PAFAH2: variants seen among roughly 807,000 people sequenced by gnomAD.
PAFAH2 encodes the protein platelet activating factor acetylhydrolase 2.
Under a neutral mutation model 49.0 loss-of-function variants are expected in PAFAH2, and 42 were observed. That is an observed-to-expected ratio of 0.86 (90% CI 0.67 to 1.11). The LOEUF is 1.11. PAFAH2 is among the 50% of genes least tolerant of loss of function. The pLI, the probability that PAFAH2 is intolerant of heterozygous loss-of-function variation, is 0.00. For synonymous variants in PAFAH2, 184 were observed against 181.3 expected (o/e 1.01, Z -0.12); for missense variants, 503 against 501.8 (o/e 1.00, Z -0.02).
chr1:25,990,730 G>A lies in PAFAH2; in HGVS notation c.87C>T (p.Leu29=), dbSNP rs2049859576. 6.2e-7 allele frequency: 1 copy of A among 1,613,256 alleles called. No homozygotes were observed. Among genetic ancestry groups the A allele is most frequent in the Non-Finnish European group, 8.5e-7 (1 of 1,179,352 alleles). Residue 29 remains leucine, a synonymous_variant, in exon 2 of 11, where the codon CTC becomes CTT. Transcript: ENST00000374282. ...AAAGGGAGCTGGGGACACTTACCTG[G>A]AGATTCTGACCCTCCATCACATCCC... ...GCGDVMEGQN[L]QGSFFRLFYP...
chr1:25,982,645 C>A (rs1051588980), intron 6 of PAFAH2, among the ~76,000 whole-genome samples, 168 bp from the exon 7 acceptor site: 38 of 152,298 alleles, frequency 2.5e-4, no homozygotes, highest in African/African-American at 8.2e-4. Flanking sequence ...TTGCAGCTCA[C>A]ATAAGCACTG....
intron 6 of PAFAH2, 148 bp from the exon 7 acceptor site, chr1:25,982,625 C>T: frequency 1.6e-6 from 1 of 618,008 alleles, no homozygotes; most frequent in South Asian, 1.9e-5. Flanking sequence ...CCTGAGAAGG[C>T]TCAGCTACCT....
At chr1:25,975,550 G>A (rs984310947) in intron 8 of PAFAH2, among the ~76,000 whole-genome samples, 1 of 152,088 alleles carries the variant, frequency 6.6e-6, no homozygotes, top group Non-Finnish European at 1.5e-5. Flanking sequence ...CTCCAGCATA[G>A]GGCAACAGAG....
rs1002181967 is a variant in PAFAH2 at position 25,976,856 on chromosome 1, G to T, written c.667-83C>A. 2.7e-6 allele frequency: 3 copies of T among 1,103,272 alleles called. No homozygotes were observed. In the African/African-American group the frequency reaches 4.6e-5, roughly 17 times the overall value. The allele number at this position is 1,103,272 out of a possible 1,614,324, so 68.3% of individuals were successfully genotyped here. ...TCATCAGGAGCAAGAGGAAGAAATA[G>T]TGAGGCAATGAGGCCAAAGGCACAA... On this transcript the variant is annotated intron_variant, in intron 7 of 10. Coordinates refer to ENST00000374282, the MANE Select transcript of PAFAH2 (RefSeq NM_000437.4).
intron 10 of PAFAH2, among the ~76,000 whole-genome samples, chr1:25,967,918 C>T (rs1247047125): frequency 1.3e-5 from 2 of 152,212 alleles, no homozygotes; most frequent in East Asian, 1.9e-4. Context: ...GTAATCCCAG[C>T]ACTTTGGGTG....
At chr1:25,978,971 T>C (rs2049637880) in intron 7 of PAFAH2, among the ~76,000 whole-genome samples, 1 of 152,240 alleles carries the variant, frequency 6.6e-6, no homozygotes, top group African/African-American at 2.4e-5. Context: ...CAAACAACGC[T>C]GGAATGAATA....
In PAFAH2 at chr1:25,961,471, C is replaced by T. The variant is rs1000700587; in HGVS notation, c.*518G>A. 6.6e-6 allele frequency: 1 copy of T among 152,476 alleles called. No homozygotes were observed. The highest frequency in any genetic ancestry group is 1.5e-5 in the Non-Finnish European group (1 of 68,286). 9.4% of individuals were successfully genotyped at this position (152,476 alleles called of 1,614,324 possible). A position where few individuals can be genotyped will look rare whatever the true frequency, so the allele number is the denominator to read the frequency against. ...AAATAAATAGAAAATGTGATCACGG[C>T]TCACACCTAGAAATTTACATAAAGT... On this transcript the variant is annotated 3_prime_UTR_variant, in exon 11 of 11. Coordinates refer to ENST00000374282, the MANE Select transcript of PAFAH2 (RefSeq NM_000437.4).
intron 10 of PAFAH2, among the ~76,000 whole-genome samples, chr1:25,969,737 G>A (rs1487580720): frequency 6.6e-6 from 1 of 152,160 alleles, no homozygotes; most frequent in East Asian, 1.9e-4. Flanking sequence ...CTAACAGTGA[G>A]TATCTTAGCT....
chr1:25,991,884 C>A (rs781552535), intron 1 of PAFAH2, among the ~76,000 whole-genome samples: 1 of 151,954 alleles, frequency 6.6e-6, no homozygotes, highest in Non-Finnish European at 1.5e-5. Flanking sequence ...CAGAGTGAGA[C>A]CCTGTCTCAA....
At chr1:25,979,037 C>T (rs775368747) in intron 7 of PAFAH2, among the ~76,000 whole-genome samples, 1 of 152,166 alleles carries the variant, frequency 6.6e-6, no homozygotes, top group Non-Finnish European at 1.5e-5. Context: ...AGGATAAATT[C>T]CCCAAACTGG....
chr1:25,964,849 A>G (rs929637011), intron 10 of PAFAH2, among the ~76,000 whole-genome samples: 1 of 152,228 alleles, frequency 6.6e-6, no homozygotes, highest in Non-Finnish European at 1.5e-5. Flanking sequence ...TGCTCAAAGC[A>G]ATTTACAGAT....
intron 8 of PAFAH2, among the ~76,000 whole-genome samples, chr1:25,976,025 G>T (rs2049583111): frequency 6.6e-6 from 1 of 152,038 alleles, no homozygotes; most frequent in South Asian, 2.1e-4. Flanking sequence ...TCCACTGCAG[G>T]GCCTTTGCAT....
intron 2 of PAFAH2, 57 bp downstream of exon 2, chr1:25,990,670 A>G: frequency 7.3e-7 from 1 of 1,376,662 alleles, no homozygotes; most frequent in Non-Finnish European, 1.0e-6. Context: ...GTGATCAGTA[A>G]GTCACGGTGC....
At chr1:25,977,754 A>G (rs1245202647) in intron 7 of PAFAH2, among the ~76,000 whole-genome samples, 1 of 151,676 alleles carries the variant, frequency 6.6e-6, no homozygotes, top group Non-Finnish European at 1.5e-5. Context: ...AATAAGGGCC[A>G]CCTCCATCCT....
chr1:25,974,689 C>T (rs1461849685), intron 8 of PAFAH2, 39 bp from the exon 9 acceptor site: 15 of 1,585,286 alleles, frequency 9.5e-6, no homozygotes, highest in Admixed American at 1.7e-5. Flanking sequence ...CCATGCGGAT[C>T]CCAGGCAAGA....
chr1:25,990,371 G>A (rs1000999280), intron 2 of PAFAH2, among the ~76,000 whole-genome samples: 3 of 152,102 alleles, frequency 2.0e-5, no homozygotes, highest in Admixed American at 1.3e-4. Flanking sequence ...AAAGGCACAC[G>A]CCCATGGCTC....
At chr1:25,984,121 A>G in intron 5 of PAFAH2, 34 bp from the exon 6 acceptor site, 1 of 1,612,470 alleles carries the variant, frequency 6.2e-7, no homozygotes, top group African/African-American at 1.3e-5. Flanking sequence ...AGAAACCAGA[A>G]AACATTCTTG....
At chr1:25,997,931 G>A (rs1267071261) in intron 1 of PAFAH2, 94 bp downstream of exon 1, 1 of 152,236 alleles carries the variant, frequency 6.6e-6, no homozygotes, top group African/African-American at 2.4e-5. Flanking sequence ...CAATTCCTAT[G>A]ACTGAGAGAC....
chr1:25,964,416 G>A (rs188189060), intron 10 of PAFAH2: 1 of 152,144 alleles, frequency 6.6e-6, no homozygotes, highest in African/African-American at 2.4e-5. Context: ...AATCAGTGGT[G>A]GTGATTTTTC....
Sources: allele counts gnomAD v4.1 joint callset (sites outside exome capture counted in the v4.1 genomes callset), GRCh38; gene constraint gnomAD v4.1.1; transcripts MANE v1.5; gene names NCBI Gene and HGNC (gene_info 2026-07-23, HGNC 2026-07-21).